YES1: variants seen among roughly 807,000 people sequenced by gnomAD.
YES1 encodes YES proto-oncogene 1, Src family tyrosine kinase, also known as tyrosine-protein kinase Yes.
In YES1, 39 loss-of-function variants were observed where a neutral mutation model predicts 70.4. The observed-to-expected ratio is 0.55, with a 90% confidence interval of 0.43 to 0.72. The LOEUF is 0.72. Ranked by LOEUF, YES1 falls within the 30% of genes least tolerant of loss-of-function variation. YES1 has a pLI of 0.00. For missense variants in YES1, 495 were observed against 644.8 expected (o/e 0.77, Z 2.52); for synonymous variants, 198 against 218.6 (o/e 0.91, Z 0.83).
intron 1 of YES1, among the ~76,000 whole-genome samples, chr18:769,314 T>A (rs931741986): frequency 1.3e-5 from 2 of 152,232 alleles, no homozygotes; most frequent in Non-Finnish European, 2.9e-5. Flanking sequence ...TAAACTCTTA[T>A]GATTTCTAGT....
intron 1 of YES1, among the ~76,000 whole-genome samples, chr18:792,784 G>A (rs1416727578): frequency 6.6e-6 from 1 of 151,486 alleles, no homozygotes; most frequent in East Asian, 1.9e-4. Context: ...AACATAGAGA[G>A]ACCTTGTCTT....
intron 1 of YES1, among the ~76,000 whole-genome samples, chr18:766,624 T>A (rs1904921907): frequency 6.6e-6 from 1 of 152,086 alleles, no homozygotes; most frequent in Non-Finnish European, 1.5e-5. Flanking sequence ...CTAATTGGTA[T>A]GTAGTGATAT....
In YES1 at chr18:796,748, T is replaced by C. The variant is rs532750126; in HGVS notation, c.-9+15366A>G. Reference sequence around the variant, plus strand: ...ACTGGCCTGGGTGACAGAGGAAGACTCTGTCTCATAAAATAAATAAATAAA... The same window carrying C: ...ACTGGCCTGGGTGACAGAGGAAGACCCTGTCTCATAAAATAAATAAATAAA... On this transcript the variant is annotated intron_variant, in intron 1 of 11. Transcript: ENST00000314574. 2.9e-4 allele frequency among the ~76,000 whole-genome samples: 44 copies of C among 152,038 alleles called. 1 individual carries two copies. Among genetic ancestry groups the C allele is most frequent in the African/African-American group, 1.0e-3 (42 of 41,392 alleles).
chr18:808,950 A>G (rs150409550), intron 1 of YES1, among the ~76,000 whole-genome samples: 65 of 152,316 alleles, frequency 4.3e-4, no homozygotes, highest in African/African-American at 1.5e-3. Flanking sequence ...TAGAAAAACT[A>G]AGGCTGAAAT....
At chr18:759,975 T>C (rs931455997) in intron 1 of YES1, among the ~76,000 whole-genome samples, 5 of 151,646 alleles carry the variant, frequency 3.3e-5, no homozygotes, top group Non-Finnish European at 7.4e-5. Flanking sequence ...TTTTCTGTCC[T>C]TGTGATAGTT....
At chr18:802,600 C>A (rs1465995099) in intron 1 of YES1, among the ~76,000 whole-genome samples, 1 of 150,656 alleles carries the variant, frequency 6.6e-6, no homozygotes, top group Non-Finnish European at 1.5e-5. Flanking sequence ...TTCAAATGTA[C>A]TATTTAATGA....
chr18:784,633 C>G (rs1905844521), intron 1 of YES1, among the ~76,000 whole-genome samples: 1 of 152,260 alleles, frequency 6.6e-6, no homozygotes, highest in East Asian at 1.9e-4. Flanking sequence ...CTTGCCCTTT[C>G]TAGCTTGTGG....
At chr18:777,806 TAAAAAAAA>T (rs35073440) in intron 1 of YES1, among the ~76,000 whole-genome samples, 6 of 129,268 alleles carry the variant, frequency 4.6e-5, no homozygotes, top group Non-Finnish European at 4.9e-5. Context: ...GACTCTGGCT[TAAAAAAAA>T]AAAAAAAAAA....
chr18:763,156 C>A (rs1417883866), intron 1 of YES1, among the ~76,000 whole-genome samples: 1 of 151,996 alleles, frequency 6.6e-6, no homozygotes, highest in Non-Finnish European at 1.5e-5. Context: ...GTGTGAGGGG[C>A]TGTTTGTGAG....
At chr18:736,314 G>T in intron 10 of YES1, 1 of 154,956 alleles carries the variant, frequency 6.5e-6, no homozygotes, top group Non-Finnish European at 1.4e-5. Flanking sequence ...TTTTGGGCCT[G>T]ATAATTCTGT....
intron 1 of YES1, among the ~76,000 whole-genome samples, chr18:807,393 G>A (rs1907154819): frequency 6.6e-6 from 1 of 151,938 alleles, no homozygotes; most frequent in Non-Finnish European, 1.5e-5. Flanking sequence ...GAGCTACTCA[G>A]GAGGCTAAAG....
intron 11 of YES1, among the ~76,000 whole-genome samples, chr18:728,360 T>C (rs1018483747): frequency 6.6e-6 from 1 of 152,136 alleles, no homozygotes; most frequent in Non-Finnish European, 1.5e-5. Flanking sequence ...ATATACACCT[T>C]ATACATATAG....
chr18:807,681 GGGAT>G (rs1487009415), intron 1 of YES1, among the ~76,000 whole-genome samples: 3 of 152,168 alleles, frequency 2.0e-5, no homozygotes, highest in Non-Finnish European at 2.9e-5. Context: ...TCAAACGCCA[GGGAT>G]AAAGAAAGAA....
At chr18:737,221 G>A (rs1031988920) in intron 9 of YES1, 8 of 283,044 alleles carry the variant, frequency 2.8e-5, no homozygotes, top group African/African-American at 4.4e-5. Context: ...GGGAGGCCGA[G>A]GCAGGTGGAT....
chr18:740,161 G>A (rs931211643), intron 8 of YES1, among the ~76,000 whole-genome samples: 6 of 152,096 alleles, frequency 3.9e-5, no homozygotes, highest in African/African-American at 1.4e-4. Flanking sequence ...AGACAACTAG[G>A]AATATCTTGG....
Position 724,053 on chromosome 18 carries a change from CAA to C in YES1, c.*369_*370del, listed in dbSNP as rs1353176344. ...TATTATGGTATAGCTTTTTATCTCT[CAA>C]GTTTTATCTGTAACAATAAATAATT... is the stretch of plus-strand genomic sequence containing the variant. On this transcript the variant is annotated 3_prime_UTR_variant, in exon 12 of 12. Coordinates refer to ENST00000314574, the MANE Select transcript of YES1 (RefSeq NM_005433.4). 1 of 170,372 alleles carries C rather than the reference CAA, an allele frequency of 5.9e-6. No individual in the cohort carries two copies. Among genetic ancestry groups the C allele is most frequent in the Non-Finnish European group, 1.3e-5 (1 of 78,504 alleles). 10.6% of individuals were successfully genotyped at this position (170,372 alleles called of 1,614,324 possible). A position where few individuals can be genotyped will look rare whatever the true frequency, so the allele number is the denominator to read the frequency against.
intron 11 of YES1, among the ~76,000 whole-genome samples, chr18:728,008 T>TAAG (rs1221804430): frequency 6.6e-6 from 1 of 152,168 alleles, no homozygotes; most frequent in Non-Finnish European, 1.5e-5. Flanking sequence ...CATAATGAGA[T>TAAG]ATCTTAAGGG....
At chr18:779,344 C>T (rs545514481) in intron 1 of YES1, among the ~76,000 whole-genome samples, 5 of 147,278 alleles carry the variant, frequency 3.4e-5, no homozygotes, top group East Asian at 4.0e-4. Flanking sequence ...GTCAAGGCTG[C>T]GGTAAGTTAT....
intron 2 of YES1, among the ~76,000 whole-genome samples, chr18:754,106 G>A (rs2080376517): frequency 6.6e-6 from 1 of 152,158 alleles, no homozygotes; most frequent in Non-Finnish European, 1.5e-5. Flanking sequence ...CCACACAGAT[G>A]TCAGAGTCAG....
Sources: gnomAD v4.1 joint callset for allele counts (sites outside exome capture counted in the v4.1 genomes callset) on GRCh38, gnomAD v4.1.1 for gene constraint, MANE v1.5 for transcripts, NCBI Gene and HGNC (gene_info 2026-07-23, HGNC 2026-07-21) for gene names.